Variants in ENTREP1 observed in about 807,000 individuals in gnomAD.
ENTREP1 encodes Friedreich ataxia region gene X123.
the ENTREP1 span, chr9:69,329,435 G>A: frequency 2.0e-6 from 2 of 984,256 alleles, no homozygotes; most frequent in Non-Finnish European, 2.4e-6. Flanking sequence ...TCTTTCACTT[G>A]TTTGAACTTT....
the ENTREP1 span, chr9:69,383,922 A>G: frequency 2.5e-6 from 4 of 1,606,756 alleles, no homozygotes; most frequent in African/African-American, 4.0e-5. Context: ...TCAACAAAAT[A>G]ACCCTGTTTT....
At chr9:69,386,879 G>A in the ENTREP1 span, 4 of 152,298 alleles carry the variant, frequency 2.6e-5, no homozygotes, top group Non-Finnish European at 5.9e-5. Context: ...GCCTGGTACT[G>A]AGCGTGTCTC....
At chr9:69,352,399 G>A in the ENTREP1 span, among the ~76,000 whole-genome samples, 8 of 152,236 alleles carry the variant, frequency 5.3e-5, no homozygotes, top group African/African-American at 1.4e-4. Context: ...GATTACAAGC[G>A]TGAGCCACTG....
At chr9:69,326,881 G>C in the ENTREP1 span, among the ~76,000 whole-genome samples, 4 of 151,826 alleles carry the variant, frequency 2.6e-5, no homozygotes, top group African/African-American at 9.7e-5. Context: ...ACCTTTCTAT[G>C]AACTCACTGT....
the ENTREP1 span, among the ~76,000 whole-genome samples, chr9:69,335,757 C>T: frequency 9.5e-6 from 1 of 105,552 alleles, no homozygotes; most frequent in African/African-American, 3.6e-5. Context: ...TGATTCCTCA[C>T]TCACCAGAAG....
the ENTREP1 span, among the ~76,000 whole-genome samples, chr9:69,338,032 C>T: frequency 6.6e-6 from 1 of 152,090 alleles, no homozygotes; most frequent in Non-Finnish European, 1.5e-5. Flanking sequence ...TATTGATGGT[C>T]TTGAAAAACT....
the ENTREP1 span, among the ~76,000 whole-genome samples, chr9:69,342,646 G>A: frequency 2.6e-5 from 4 of 152,178 alleles, no homozygotes; most frequent in African/African-American, 4.8e-5. Flanking sequence ...TAATTTGTAC[G>A]CTCATCTGTA....
the ENTREP1 span, among the ~76,000 whole-genome samples, chr9:69,331,868 G>A: frequency 1.1e-3 from 173 of 152,242 alleles, 1 homozygote; most frequent in Middle Eastern, 6.8e-3. Flanking sequence ...TAGCATTGTG[G>A]CATAATGGGA....
the ENTREP1 span, chr9:69,387,896 T>G: frequency 1.4e-6 from 2 of 1,406,932 alleles, no homozygotes; most frequent in East Asian, 6.7e-5. Context: ...GATTCTCCTC[T>G]CCACCATCTG....
At chr9:69,376,077 G>A in the ENTREP1 span, among the ~76,000 whole-genome samples, 2 of 152,136 alleles carry the variant, frequency 1.3e-5, no homozygotes, top group Non-Finnish European at 2.9e-5. Flanking sequence ...TCTTTGTGTT[G>A]AAGAACTGTA....
the ENTREP1 span, chr9:69,377,375 C>T: frequency 1.9e-6 from 3 of 1,609,104 alleles, no homozygotes; most frequent in Non-Finnish European, 2.6e-6. Flanking sequence ...CCCAGAAAGT[C>T]CTCTTTGCCC....
At chr9:69,377,469 TC>T in the ENTREP1 span, 1 of 1,613,252 alleles carries the variant, frequency 6.2e-7, no homozygotes, top group South Asian at 1.1e-5. Context: ...AACCAGGAGA[TC>T]CTGCATCGTA....
the ENTREP1 span, among the ~76,000 whole-genome samples, chr9:69,331,212 T>C: frequency 6.6e-6 from 1 of 152,252 alleles, no homozygotes; most frequent in Admixed American, 6.5e-5. Context: ...ATTTACAACA[T>C]GGCTTTTTAA....
chr9:69,326,225 C>A, the ENTREP1 span, among the ~76,000 whole-genome samples: 20 of 152,016 alleles, frequency 1.3e-4, no homozygotes, highest in African/African-American at 3.6e-4. Flanking sequence ...TTAAGACACA[C>A]GTAAATGTGA....
At chr9:69,356,085 T>C in the ENTREP1 span, among the ~76,000 whole-genome samples, 2 of 152,222 alleles carry the variant, frequency 1.3e-5, no homozygotes, top group African/African-American at 2.4e-5. Context: ...TCCAGAACTT[T>C]TTCATCATCC....
chr9:69,383,038 T>G, the ENTREP1 span: 16 of 984,368 alleles, frequency 1.6e-5, no homozygotes, highest in Non-Finnish European at 1.8e-5. Context: ...TGAAAAATCT[T>G]GTGGAGGATT....
the ENTREP1 span, among the ~76,000 whole-genome samples, chr9:69,368,683 C>T: frequency 1.3e-5 from 2 of 152,052 alleles, no homozygotes; most frequent in African/African-American, 4.8e-5. Context: ...GGAGAATTCC[C>T]TCTCCTTCAA....
At chr9:69,377,295 T>G in the ENTREP1 span, 1 of 910,966 alleles carries the variant, frequency 1.1e-6, no homozygotes, top group South Asian at 1.3e-5. Context: ...TTATTATTAT[T>G]TTAAAGATTT....
the ENTREP1 span, chr9:69,377,640 G>C: frequency 1.2e-6 from 2 of 1,614,048 alleles, no homozygotes; most frequent in Non-Finnish European, 1.7e-6. Flanking sequence ...CTGAAGAAGC[G>C]GAGGATCATG....
Sources: allele counts gnomAD v4.1 joint callset (sites outside exome capture counted in the v4.1 genomes callset), GRCh38; gene constraint gnomAD v4.1.1; transcripts MANE v1.5; gene names NCBI Gene and HGNC (gene_info 2026-07-23, HGNC 2026-07-21).